Variants in KCNQ3 observed in about 807,000 individuals in gnomAD.
The protein encoded by KCNQ3 is potassium voltage-gated channel subfamily KQT member 3.
A neutral mutation model predicts 92.5 loss-of-function variants in KCNQ3; 30 were observed. That is an observed-to-expected ratio of 0.32 (90% CI 0.24 to 0.44). The LOEUF (loss-of-function observed/expected upper bound fraction) is 0.44, where lower values mean the gene tolerates loss of function less well. Ranked by LOEUF, KCNQ3 falls within the 20% of genes least tolerant of loss-of-function variation. KCNQ3 has a pLI of 1.00. For missense variants in KCNQ3, 913 were observed against 1,140.3 expected (o/e 0.80, Z 2.87); for synonymous variants, 450 against 468.8 (o/e 0.96, Z 0.52).
chr8:132,368,105 T>C (rs952577620), intron 1 of KCNQ3, among the ~76,000 whole-genome samples: 1 of 152,238 alleles, frequency 6.6e-6, no homozygotes, highest in Non-Finnish European at 1.5e-5. Flanking sequence ...TTCTCAGTTC[T>C]TGGAAACCAA....
chr8:132,470,256 C>T lies in KCNQ3; in HGVS notation c.386+9891G>A, dbSNP rs938965119. On this transcript the variant is annotated intron_variant, in intron 1 of 14. Transcript: ENST00000388996. ...CTAAGGGCAATGCCTGTCATCTGGA[C>T]TCACGTGTATGCTTTGTGTGTTTGT... Among the ~76,000 whole-genome samples the T allele has an allele frequency of 3.9e-5, 6 of 152,292 alleles. No homozygotes were observed. The East Asian group carries it at 1.2e-3, about 29-fold the overall frequency.
chr8:132,412,070 CAG>C (rs760958931), intron 1 of KCNQ3, among the ~76,000 whole-genome samples: 1 of 152,178 alleles, frequency 6.6e-6, no homozygotes, highest in Non-Finnish European at 1.5e-5. Flanking sequence ...CATGGCACCC[CAG>C]AGAGGACTGA....
intron 1 of KCNQ3, among the ~76,000 whole-genome samples, chr8:132,279,870 GTA>G (rs1554640113): frequency 6.6e-6 from 1 of 151,906 alleles, no homozygotes; most frequent in Non-Finnish European, 1.5e-5. Flanking sequence ...GTGTGTGTGT[GTA>G]TATATATATT....
chr8:132,474,947 C>T (rs1822375951), intron 1 of KCNQ3, among the ~76,000 whole-genome samples: 2 of 152,132 alleles, frequency 1.3e-5, no homozygotes, highest in Admixed American at 1.3e-4. Context: ...TCCAGAGTGG[C>T]CTGGTGGTAG....
chr8:132,182,298 T>C (rs1586808415), intron 3 of KCNQ3, among the ~76,000 whole-genome samples: 1 of 152,192 alleles, frequency 6.6e-6, no homozygotes. Context: ...AGACGCTCCA[T>C]GAGGCAGTTC....
chr8:132,233,427 A>G (rs1267503858), intron 1 of KCNQ3, among the ~76,000 whole-genome samples: 1 of 152,214 alleles, frequency 6.6e-6, no homozygotes, highest in Non-Finnish European at 1.5e-5. Context: ...AGTTGACCTA[A>G]TAGTTGCCAC....
At chr8:132,383,720 C>G (rs1037642621) in intron 1 of KCNQ3, among the ~76,000 whole-genome samples, 2 of 152,098 alleles carry the variant, frequency 1.3e-5, no homozygotes, top group African/African-American at 2.4e-5. Flanking sequence ...GGATGCGGAT[C>G]GGGACAGGGT....
chr8:132,355,025 TA>T (rs1219293847), intron 1 of KCNQ3, among the ~76,000 whole-genome samples: 2 of 152,178 alleles, frequency 1.3e-5, no homozygotes, highest in African/African-American at 4.8e-5. Flanking sequence ...ACCAGTTCTA[TA>T]ACAGTCCTCA....
At chr8:132,287,186 T>A (rs543469595) in intron 1 of KCNQ3, among the ~76,000 whole-genome samples, 1 of 152,232 alleles carries the variant, frequency 6.6e-6, no homozygotes, top group East Asian at 1.9e-4. Flanking sequence ...TGAGATTTTA[T>A]AGAATTATTT....
chr8:132,412,349 G>A (rs72721063), intron 1 of KCNQ3, among the ~76,000 whole-genome samples: 1,749 of 152,150 alleles, frequency 0.011, 16 homozygotes, highest in Non-Finnish European at 0.02. Context: ...CCTTCTGGGT[G>A]ATTCTGACTC....
At chr8:132,222,915 C>G (rs1236874345) in intron 1 of KCNQ3, among the ~76,000 whole-genome samples, 1 of 152,188 alleles carries the variant, frequency 6.6e-6, no homozygotes, top group Non-Finnish European at 1.5e-5. Context: ...AATATTAAAT[C>G]AATGCCAGCT....
At chr8:132,290,916 C>T (rs1217445469) in intron 1 of KCNQ3, among the ~76,000 whole-genome samples, 1 of 152,066 alleles carries the variant, frequency 6.6e-6, no homozygotes, top group Non-Finnish European at 1.5e-5. Flanking sequence ...GGGACAGGCA[C>T]CCTCAGATGA....
chr8:132,136,300 G>A (rs1427675332), intron 12 of KCNQ3, among the ~76,000 whole-genome samples: 6 of 152,000 alleles, frequency 3.9e-5, no homozygotes, highest in African/African-American at 1.4e-4. Context: ...GAGAGGACGC[G>A]TGTCCATTGG....
In KCNQ3 at chr8:132,149,253, G is replaced by T. The variant is rs891143799; in HGVS notation, c.1263-7922C>A. On this transcript the variant is annotated intron_variant, in intron 9 of 14. Coordinates refer to ENST00000388996, the MANE Select transcript of KCNQ3 (RefSeq NM_004519.4). ...CTGTGCACTGGGAGGACAGGGTGGG[G>T]CCGCAAAAAGTTCCTGCTGCTTGCA... 2.6e-5 allele frequency among the ~76,000 whole-genome samples: 4 copies of T among 152,368 alleles called. No homozygotes were observed. The South Asian group carries it at 6.2e-4, about 24-fold the overall frequency.
chr8:132,437,245 A>G (rs952943563), intron 1 of KCNQ3, among the ~76,000 whole-genome samples: 2 of 150,916 alleles, frequency 1.3e-5, no homozygotes, highest in East Asian at 3.9e-4. Context: ...GCGCCACTGC[A>G]CTCCAGCCTG....
At chr8:132,175,418 A>G in intron 5 of KCNQ3, 35 bp downstream of exon 5, 12 of 1,612,116 alleles carry the variant, frequency 7.4e-6, no homozygotes, top group Non-Finnish European at 1.0e-5. Flanking sequence ...TTGACAGTCA[A>G]TCTCACAGAA....
At chr8:132,478,141 T>C (rs1563924823) in intron 1 of KCNQ3, among the ~76,000 whole-genome samples, 1 of 152,218 alleles carries the variant, frequency 6.6e-6, no homozygotes, top group Non-Finnish European at 1.5e-5. Context: ...GTCTTAAATT[T>C]TCCTGGATCC....
chr8:132,409,533 G>T (rs1318536824), intron 1 of KCNQ3, among the ~76,000 whole-genome samples: 1 of 151,964 alleles, frequency 6.6e-6, no homozygotes, highest in Admixed American at 6.5e-5. Flanking sequence ...ACACGTCTTG[G>T]TTCCACTGTG....
At chr8:132,255,981 C>T (rs1243735642) in intron 1 of KCNQ3, among the ~76,000 whole-genome samples, 3 of 151,246 alleles carry the variant, frequency 2.0e-5, no homozygotes, top group Non-Finnish European at 4.4e-5. Context: ...AGAAAATAAA[C>T]AAACCAAAAA....
Sources: allele counts gnomAD v4.1 joint callset (sites outside exome capture counted in the v4.1 genomes callset), GRCh38; gene constraint gnomAD v4.1.1; transcripts MANE v1.5; gene names NCBI Gene and HGNC (gene_info 2026-07-23, HGNC 2026-07-21).